The following SPIDR variants were observed in gnomAD, a reference collection of about 807,000 sequenced individuals.
SPIDR encodes the protein scaffold protein involved in DNA repair, also known as DNA repair-scaffolding protein.
SPIDR carries 93 observed loss-of-function variants against 104.6 expected under a neutral mutation model. The observed-to-expected ratio is 0.89, with a 90% CI of 0.75 to 1.06. The LOEUF is 1.06. Among genes scored for constraint, SPIDR ranks in the 50% least tolerant of loss-of-function variants. The probability of loss-of-function intolerance (pLI) is 0.00; values close to 1 mark genes in which losing one functional copy is unlikely to be tolerated. For missense variants in SPIDR, 1,154 were observed against 1,111.2 expected, an observed-to-expected ratio of 1.04 and a Z score of -0.55; for synonymous variants, 431 against 416.9, an observed-to-expected ratio of 1.03 and a Z score of -0.41.
chr8:47,610,905 A>T (rs2063521167), intron 10 of SPIDR, among the ~76,000 whole-genome samples: 1 of 152,232 alleles, frequency 6.6e-6, no homozygotes, highest in African/African-American at 2.4e-5. Context: ...CATTGCACTG[A>T]TACTTGTCAT....
At chr8:47,653,388 C>T (rs2072057997) in intron 10 of SPIDR, among the ~76,000 whole-genome samples, 1 of 152,120 alleles carries the variant, frequency 6.6e-6, no homozygotes, top group Admixed American at 6.5e-5. Flanking sequence ...ATTTGGTAGT[C>T]GGTTGGGGAA....
chr8:47,690,998 A>G (rs930654807), intron 11 of SPIDR, among the ~76,000 whole-genome samples: 2 of 152,092 alleles, frequency 1.3e-5, no homozygotes, highest in African/African-American at 4.8e-5. Context: ...ACAATCTGAA[A>G]AATATCTTGC....
intron 8 of SPIDR, among the ~76,000 whole-genome samples, chr8:47,542,464 G>T (rs948147542): frequency 1.3e-5 from 2 of 151,990 alleles, no homozygotes; most frequent in African/African-American, 4.8e-5. Flanking sequence ...CCGCTCCCTT[G>T]GAATACCTGT....
chr8:47,541,104 C>A (rs2088027500), intron 8 of SPIDR, among the ~76,000 whole-genome samples: 1 of 152,232 alleles, frequency 6.6e-6, no homozygotes, highest in Non-Finnish European at 1.5e-5. Flanking sequence ...AAGTGGTCCG[C>A]CTTCCTCGGC....
chr8:47,729,222 T>TTC, intron 18 of SPIDR, 175 bp downstream of exon 18: 1 of 1,466,304 alleles, frequency 6.8e-7, no homozygotes, highest in Non-Finnish European at 9.1e-7. Flanking sequence ...CTAGGAAAGG[T>TTC]GGGAGGATGC....
intron 16 of SPIDR, among the ~76,000 whole-genome samples, chr8:47,722,205 A>G (rs2083502333): frequency 6.6e-6 from 1 of 152,200 alleles, no homozygotes; most frequent in African/African-American, 2.4e-5. Context: ...TAGGAAAACA[A>G]TTAACTTTTT....
At chr8:47,458,995 A>G (rs371814803) in intron 8 of SPIDR, among the ~76,000 whole-genome samples, 1 of 152,114 alleles carries the variant, frequency 6.6e-6, no homozygotes, top group South Asian at 2.1e-4. Context: ...TATGAAACAC[A>G]CTTGATCATG....
intron 5 of SPIDR, among the ~76,000 whole-genome samples, chr8:47,342,174 G>T (rs75612506): frequency 6.6e-6 from 1 of 152,170 alleles, no homozygotes; most frequent in African/African-American, 2.4e-5. Context: ...ATATGGAATT[G>T]TCTGAATTTT....
chr8:47,554,455 C>T (rs1414632815), intron 8 of SPIDR, among the ~76,000 whole-genome samples: 1 of 152,218 alleles, frequency 6.6e-6, no homozygotes, highest in Non-Finnish European at 1.5e-5. Flanking sequence ...CAATGGCAGA[C>T]GTCCCTCCCC....
chr8:47,494,101 G>A (rs994850955), intron 8 of SPIDR, among the ~76,000 whole-genome samples: 1 of 151,454 alleles, frequency 6.6e-6, no homozygotes, highest in African/African-American at 2.4e-5. Context: ...CGATCCTCCT[G>A]CCTCAGCCTC....
chr8:47,317,413 C>T (rs1268128702), intron 5 of SPIDR, among the ~76,000 whole-genome samples: 2 of 152,082 alleles, frequency 1.3e-5, no homozygotes, highest in Admixed American at 6.5e-5. Flanking sequence ...GGAGGGGCGC[C>T]CACCATTGCC....
intron 8 of SPIDR, among the ~76,000 whole-genome samples, chr8:47,583,363 T>TAGTGTTGG (rs2059937531): frequency 1.3e-5 from 2 of 150,722 alleles, no homozygotes; most frequent in Admixed American, 1.3e-4. Flanking sequence ...TGTTCATTGG[T>TAGTGTTGG]AGTGTTGGGT....
At chr8:47,311,670 T>C (rs80115566) in intron 5 of SPIDR, among the ~76,000 whole-genome samples, 1 of 151,928 alleles carries the variant, frequency 6.6e-6, no homozygotes, top group Non-Finnish European at 1.5e-5. Flanking sequence ...GAAAAAAATC[T>C]TGAAAGCACC....
chr8:47,322,638 C>T (rs1468211507), intron 5 of SPIDR, among the ~76,000 whole-genome samples: 3 of 152,168 alleles, frequency 2.0e-5, no homozygotes, highest in African/African-American at 7.2e-5. Context: ...CACATGCACA[C>T]GTATGTTTAT....
At chr8:47,393,798 C>A (rs1298140427) in intron 5 of SPIDR, among the ~76,000 whole-genome samples, 1 of 149,764 alleles carries the variant, frequency 6.7e-6, no homozygotes, top group East Asian at 2.0e-4. Flanking sequence ...TTCCCCTTCT[C>A]CCTTCTTTTC....
At position 47,599,338 on chromosome 8, in the gene SPIDR, A is replaced by C. The variant is rs1357085365; in HGVS notation, c.1544+142A>C. The C allele has an allele frequency of 5.4e-6, 6 of 1,101,076 alleles. No homozygotes were observed. The East Asian group carries it at 1.6e-4, about 29-fold the overall frequency. The allele number at this position is 1,101,076 out of a possible 1,614,324, so 68.2% of individuals were successfully genotyped here. A position where few individuals can be genotyped will look rare whatever the true frequency, so the allele number is the denominator to read the frequency against. On this transcript the variant is annotated intron_variant, in intron 10 of 19. Transcript: ENST00000297423. ...CTGTTTTTGTTTTTCCTTGCATCAAAATTTGGGATACATGGCATGATGAAG... is the reference window on the plus strand; with the variant it reads ...CTGTTTTTGTTTTTCCTTGCATCAACATTTGGGATACATGGCATGATGAAG...
At position 47,310,603 on chromosome 8, in the gene SPIDR, T is replaced by C. The variant is rs2043967847; in HGVS notation, c.525+16573T>C. The stretch of plus-strand genomic sequence containing the variant: ...TGAGCATTTCATTTTTTGTGGATGT[T>C]TCCCAGAGGACAGAACTCGGTCATT... On this transcript the variant is annotated intron_variant, in intron 5 of 19. Transcript: ENST00000297423. Among the ~76,000 whole-genome samples the C allele has an allele frequency of 2.6e-5, 4 of 152,166 alleles. No homozygotes were observed. The South Asian group carries it at 8.3e-4, about 31-fold the overall frequency.
At chr8:47,596,975 G>A (rs1443444607) in intron 9 of SPIDR, among the ~76,000 whole-genome samples, 4 of 152,112 alleles carry the variant, frequency 2.6e-5, no homozygotes, top group African/African-American at 9.7e-5. Context: ...TGTGTTGAGG[G>A]ACAGTAACAT....
At chr8:47,326,545 C>T (rs757281896) in intron 5 of SPIDR, among the ~76,000 whole-genome samples, 4 of 152,182 alleles carry the variant, frequency 2.6e-5, no homozygotes, top group Non-Finnish European at 5.9e-5. Context: ...CAACTAATAC[C>T]TGTATCTCAT....
Sources: allele counts gnomAD v4.1 joint callset (sites outside exome capture counted in the v4.1 genomes callset), GRCh38; gene constraint gnomAD v4.1.1; transcripts MANE v1.5; gene names NCBI Gene and HGNC (gene_info 2026-07-23, HGNC 2026-07-21).